Variants in SLC25A28 observed in about 807,000 individuals in gnomAD.
SLC25A28 encodes the protein mitoferrin-2.
SLC25A28 carries 10 observed loss-of-function variants against 31.9 expected under a neutral mutation model. The ratio of observed to expected loss-of-function variants is 0.31; its 90% CI spans 0.19 to 0.53. The LOEUF is 0.53. Ranked by LOEUF, SLC25A28 falls within the 20% of genes least tolerant of loss-of-function variation. The probability of loss-of-function intolerance (pLI) is 0.95; values close to 1 mark genes in which losing one functional copy is unlikely to be tolerated. For synonymous variants in SLC25A28, 208 were observed against 203.6 expected (o/e 1.02, Z -0.19); for missense variants, 256 against 490.3 (o/e 0.52, Z 4.51).
chr10:99,621,116 G>T, upstream of SLC25A28: 1 of 438,960 alleles, frequency 2.3e-6, no homozygotes, highest in Non-Finnish European at 3.0e-6. Flanking sequence ...AAGCCGTTGC[G>T]ACATGCGGGC....
the SLC25A28 span, among the ~76,000 whole-genome samples, chr10:99,645,174 A>G: frequency 6.6e-6 from 1 of 152,128 alleles, no homozygotes; most frequent in Admixed American, 6.5e-5. Flanking sequence ...CATTCTCCCC[A>G]TCACTTTCAG....
the SLC25A28 span, among the ~76,000 whole-genome samples, chr10:99,643,151 C>T: frequency 6.6e-6 from 1 of 152,138 alleles, no homozygotes; most frequent in Non-Finnish European, 1.5e-5. Context: ...GTACCAGCTC[C>T]TCTTTGTACC....
chr10:99,644,079 G>A, the SLC25A28 span, among the ~76,000 whole-genome samples: 1 of 152,180 alleles, frequency 6.6e-6, no homozygotes, highest in Non-Finnish European at 1.5e-5. Context: ...ATGTCTATTA[G>A]GTCTGCTTGG....
chr10:99,633,141 A>T, the SLC25A28 span, among the ~76,000 whole-genome samples: 1 of 146,640 alleles, frequency 6.8e-6, no homozygotes, highest in African/African-American at 2.5e-5. Flanking sequence ...ATTTTCATTT[A>T]AAAAAAAAAA....
chr10:99,635,525 A>G, the SLC25A28 span, among the ~76,000 whole-genome samples: 7 of 152,110 alleles, frequency 4.6e-5, no homozygotes, highest in African/African-American at 1.4e-4. Flanking sequence ...ACTAAATACA[A>G]AAATTAGCCT....
chr10:99,640,096 C>G, the SLC25A28 span, among the ~76,000 whole-genome samples: 3 of 152,224 alleles, frequency 2.0e-5, no homozygotes, highest in African/African-American at 7.2e-5. Flanking sequence ...GAGCGGCTCA[C>G]TATGTGCCAG....
At chr10:99,637,323 G>A in the SLC25A28 span, among the ~76,000 whole-genome samples, 1 of 152,170 alleles carries the variant, frequency 6.6e-6, no homozygotes, top group Non-Finnish European at 1.5e-5. Flanking sequence ...CAAACCCACA[G>A]CCAACATTAT....
In SLC25A28 at chr10:99,613,968, T is replaced by G. The variant is rs1373914970; in HGVS notation, c.292-44A>C. On this transcript the variant is annotated intron_variant, in intron 1 of 3. Transcript: ENST00000370495. The surrounding 1 kb of genome is among the most constrained non-coding windows in gnomAD (Gnocchi z 4.9). ...GAAGCGCAATGTCAGCAATGCCAAC[T>G]TCTCGCCCCACCTCAACACACTGGG... The G allele has an allele frequency of 1.3e-6, 2 of 1,527,602 alleles. No homozygotes were observed. The highest frequency in any genetic ancestry group is 8.8e-7 in the Non-Finnish European group (1 of 1,135,614). 94.6% of individuals were successfully genotyped at this position (1,527,602 alleles called of 1,614,324 possible). A position where few individuals can be genotyped will look rare whatever the true frequency, so the allele number is the denominator to read the frequency against.
rs1590000791 is a variant in SLC25A28 at position 99,620,431 on chromosome 10, A to T, written c.-96T>A. The T allele has an allele frequency of 9.6e-7, 1 of 1,037,210 alleles. No individual in the cohort carries two copies. Among genetic ancestry groups the T allele is most frequent in the Non-Finnish European group, 1.2e-6 (1 of 867,258 alleles). 64.3% of individuals were successfully genotyped at this position (1,037,210 alleles called of 1,614,324 possible). The stretch of plus-strand genomic sequence containing the variant: ...GTAGTGTCCGCCTCAGGCGCGGCCC[A>T]GAGAGCCCGGGGCCTCCGGCTCCCG... On this transcript the variant is annotated 5_prime_UTR_variant, in exon 1 of 4. Coordinates refer to ENST00000370495, the MANE Select transcript of SLC25A28 (RefSeq NM_031212.4).
At chr10:99,639,962 C>T in the SLC25A28 span, among the ~76,000 whole-genome samples, 13 of 150,664 alleles carry the variant, frequency 8.6e-5, no homozygotes, top group Middle Eastern at 0.014. Flanking sequence ...GCAAAGAGTA[C>T]AAAAAAAGAA....
the SLC25A28 span, among the ~76,000 whole-genome samples, chr10:99,630,047 A>G: frequency 6.6e-6 from 1 of 152,176 alleles, no homozygotes; most frequent in Admixed American, 6.6e-5. Context: ...GAGACTGTAA[A>G]GCAGTTTCTT....
At chr10:99,639,443 T>C in the SLC25A28 span, among the ~76,000 whole-genome samples, 1 of 152,012 alleles carries the variant, frequency 6.6e-6, no homozygotes, top group African/African-American at 2.4e-5. Context: ...AAAGAACATA[T>C]GTAACCAAAT....
chr10:99,653,342 C>T, the SLC25A28 span, among the ~76,000 whole-genome samples: 1 of 152,162 alleles, frequency 6.6e-6, no homozygotes, highest in Non-Finnish European at 1.5e-5. Context: ...CTGGGGCCTC[C>T]CACCAATAGC....
At chr10:99,635,253 A>G in the SLC25A28 span, among the ~76,000 whole-genome samples, 11 of 152,340 alleles carry the variant, frequency 7.2e-5, no homozygotes, top group East Asian at 2.1e-3. Context: ...AGGCAAAGCC[A>G]AAAACAAAAA....
the SLC25A28 span, among the ~76,000 whole-genome samples, chr10:99,644,806 A>G: frequency 3.9e-5 from 6 of 152,090 alleles, no homozygotes; most frequent in Non-Finnish European, 7.3e-5. Flanking sequence ...TTTCTCCTTC[A>G]TGTATGTAGC....
At chr10:99,644,158 C>T in the SLC25A28 span, among the ~76,000 whole-genome samples, 3 of 152,172 alleles carry the variant, frequency 2.0e-5, no homozygotes, top group Non-Finnish European at 4.4e-5. Context: ...CTAATGTTGA[C>T]AGTGAGGTGT....
At chr10:99,629,950 G>A in the SLC25A28 span, among the ~76,000 whole-genome samples, 1 of 152,176 alleles carries the variant, frequency 6.6e-6, no homozygotes, top group Non-Finnish European at 1.5e-5. Context: ...AAGGTGGGTG[G>A]ATCGCTTGAG....
chr10:99,639,953 CA>C, the SLC25A28 span, among the ~76,000 whole-genome samples: 1 of 151,650 alleles, frequency 6.6e-6, no homozygotes, highest in Non-Finnish European at 1.5e-5. Context: ...TAAGGAGGGG[CA>C]AAGAGTACAA....
At chr10:99,629,431 A>G in the SLC25A28 span, among the ~76,000 whole-genome samples, 1 of 152,190 alleles carries the variant, frequency 6.6e-6, no homozygotes, top group Non-Finnish European at 1.5e-5. Context: ...GACTAAGACA[A>G]TTTCCAAAAG....
Sources: gnomAD v4.1 joint callset for allele counts (sites outside exome capture counted in the v4.1 genomes callset) on GRCh38, gnomAD v4.1.1 for gene constraint, Gnocchi (gnomAD v3.1) non-coding constraint, MANE v1.5 for transcripts, NCBI Gene and HGNC (gene_info 2026-07-23, HGNC 2026-07-21) for gene names.